SLC7A1: variants seen among roughly 807,000 people sequenced by gnomAD.
SLC7A1 encodes high affinity cationic amino acid transporter 1.
A neutral mutation model predicts 53.9 loss-of-function variants in SLC7A1; 10 were observed. The observed-to-expected ratio is 0.19, with a 90% CI of 0.11 to 0.31. The LOEUF (loss-of-function observed/expected upper bound fraction) is 0.31, where lower values mean the gene tolerates loss of function less well. Among genes scored for constraint, SLC7A1 ranks in the 10% least tolerant of loss-of-function variants. SLC7A1 has a pLI of 1.00. For missense variants in SLC7A1, 525 were observed against 827.2 expected (o/e 0.63, Z 4.48); for synonymous variants, 342 against 338.7 (o/e 1.01, Z -0.11).
Position 29,514,538 on chromosome 13 carries a change from G to A in SLC7A1, c.1832C>T (p.Ala611Val), listed in dbSNP as rs773951324. ...CCTTGCTTGGTCGGCATCCAGGGACGCCTCCTCGCTGTGCCACAGGCCATA... is the reference window on the plus strand; with the variant it reads ...CCTTGCTTGGTCGGCATCCAGGGACACCTCCTCGCTGTGCCACAGGCCATA... ...FGYGLWHSEE[A>V]SLDADQARTP... is the part of the protein sequence containing the mutation. The change falls in exon 13 of 13, where the codon GCG (alanine) becomes GTG (valine). Residue 611 changes from alanine (A) to valine (V), a missense_variant. Coordinates refer to ENST00000380752, the MANE Select transcript of SLC7A1 (RefSeq NM_003045.5). The A allele has an allele frequency of 5.0e-6, 8 of 1,611,184 alleles. No homozygotes were observed. Among genetic ancestry groups the A allele is most frequent in the Non-Finnish European group, 4.2e-6 (5 of 1,179,772 alleles).
chr13:29,514,458 C>T lies in SLC7A1; in HGVS notation c.*22G>A. 6.3e-7 allele frequency: 1 copy of T among 1,591,126 alleles called. No homozygotes were observed. The highest frequency in any genetic ancestry group is 8.6e-7 in the Non-Finnish European group (1 of 1,168,026). On this transcript the variant is annotated 3_prime_UTR_variant, in exon 13 of 13. Transcript: ENST00000380752. Reference sequence around the variant, plus strand: ...GGGCGTCCCTCGGGGCTGCTGCCACCTCCGGGGGGCGGGGCTGTGCGTCAC... The same window carrying T: ...GGGCGTCCCTCGGGGCTGCTGCCACTTCCGGGGGGCGGGGCTGTGCGTCAC...
chr13:29,536,319 A>G, intron 2 of SLC7A1, 117 bp from the exon 3 acceptor site: 1 of 1,068,314 alleles, frequency 9.4e-7, no homozygotes, highest in Non-Finnish European at 1.4e-6. Flanking sequence ...ATTTCCTGCT[A>G]AAACGCTTTA....
At chr13:29,578,932 C>A (rs1871526599) in intron 1 of SLC7A1, among the ~76,000 whole-genome samples, 1 of 152,252 alleles carries the variant, frequency 6.6e-6, no homozygotes, top group South Asian at 2.1e-4. Context: ...TCAATATTGC[C>A]TTTTTCTTCA....
chr13:29,514,816 T>C (rs1883508224), intron 12 of SLC7A1, among the ~76,000 whole-genome samples: 1 of 152,344 alleles, frequency 6.6e-6, no homozygotes, highest in East Asian at 1.9e-4. Context: ...TGGACGGCCT[T>C]ATGCTGCGGT....
intron 1 of SLC7A1, among the ~76,000 whole-genome samples, chr13:29,583,768 T>A (rs2139186961): frequency 6.6e-6 from 1 of 152,314 alleles, no homozygotes; most frequent in South Asian, 2.1e-4. Flanking sequence ...AAATTCTAAT[T>A]GTATCAAACT....
intron 1 of SLC7A1, among the ~76,000 whole-genome samples, chr13:29,570,627 G>C (rs1871152283): frequency 6.6e-6 from 1 of 152,164 alleles, no homozygotes; most frequent in Non-Finnish European, 1.5e-5. Flanking sequence ...TCAGGCGGAT[G>C]GATGGCTTGA....
chr13:29,552,146 A>C (rs1870219959), intron 2 of SLC7A1, among the ~76,000 whole-genome samples: 1 of 152,082 alleles, frequency 6.6e-6, no homozygotes, highest in Non-Finnish European at 1.5e-5. Flanking sequence ...CCATAGTCTC[A>C]GAATTAACGA....
At chr13:29,562,917 GA>G (rs1351278116) in intron 1 of SLC7A1, among the ~76,000 whole-genome samples, 3 of 152,178 alleles carry the variant, frequency 2.0e-5, no homozygotes, top group Admixed American at 1.3e-4. Flanking sequence ...TTGCACCCAG[GA>G]AAAGACCATT....
At chr13:29,533,793 C>G (rs1869281643) in intron 3 of SLC7A1, among the ~76,000 whole-genome samples, 1 of 152,226 alleles carries the variant, frequency 6.6e-6, no homozygotes, top group Non-Finnish European at 1.5e-5. Flanking sequence ...TAAAGGGTGT[C>G]AGAATGTGTT....
intron 4 of SLC7A1, among the ~76,000 whole-genome samples, chr13:29,531,560 T>C (rs1340594790): frequency 6.6e-6 from 1 of 152,194 alleles, no homozygotes; most frequent in Non-Finnish European, 1.5e-5. Context: ...AAAAATTGGC[T>C]AGGTGCGGTC....
At chr13:29,589,474 C>T (rs575301977) in intron 1 of SLC7A1, among the ~76,000 whole-genome samples, 176 of 152,378 alleles carry the variant, frequency 1.2e-3, no homozygotes, top group Non-Finnish European at 2.1e-3. Flanking sequence ...GCCTCCGTCA[C>T]ACACACCGGC....
chr13:29,510,553 C>T lies in SLC7A1; in HGVS notation c.*3927G>A, dbSNP rs1047510309. On this transcript the variant is annotated 3_prime_UTR_variant, in exon 13 of 13. Transcript: ENST00000380752. The stretch of plus-strand genomic sequence containing the variant: ...ATTATACATAGTGTATATCCAGATC[C>T]GTCTGCAGGCGAACTCTGCATCAGT... 2.0e-5 allele frequency: 3 copies of T among 152,248 alleles called. No homozygotes were observed. Among genetic ancestry groups the T allele is most frequent in the African/African-American group, 4.8e-5 (2 of 41,456 alleles). The allele number at this position is 152,248 out of a possible 1,614,324, so 9.4% of individuals were successfully genotyped here.
Position 29,556,255 on chromosome 13 carries a change from AT to A in SLC7A1, c.-114-2396del, listed in dbSNP as rs879930837. 4.5e-4 allele frequency among the ~76,000 whole-genome samples: 68 copies of A among 150,412 alleles called. 1 individual carries two copies. Among genetic ancestry groups the A allele is most frequent in the Middle Eastern group, 3.4e-3 (1 of 292 alleles). On this transcript the variant is annotated intron_variant, in intron 1 of 12. Coordinates refer to ENST00000380752, the MANE Select transcript of SLC7A1 (RefSeq NM_003045.5). Reference sequence around the variant, plus strand: ...TAAAACAATGCCACTCTTCTCACTGATTTTTTTTTTGTTCTGGAAAATAGCT... The same window carrying A: ...TAAAACAATGCCACTCTTCTCACTGATTTTTTTTTGTTCTGGAAAATAGCT...
rs1268989861 is a variant in SLC7A1 at position 29,509,643 on chromosome 13, T to G, written c.*4837A>C. ...AGACCCAGCAGAGACCAACCTGATT[T>G]GCAGTTAGCATCAGAATCTAAATCT... On this transcript the variant is annotated 3_prime_UTR_variant, in exon 13 of 13. Coordinates refer to ENST00000380752, the MANE Select transcript of SLC7A1 (RefSeq NM_003045.5). The G allele has an allele frequency of 6.6e-6, 1 of 152,474 alleles. No homozygotes were observed. The highest frequency in any genetic ancestry group is 1.9e-4 in the East Asian group (1 of 5,188). The allele number at this position is 152,474 out of a possible 1,614,324, so 9.4% of individuals were successfully genotyped here. A position where few individuals can be genotyped will look rare whatever the true frequency, so the allele number is the denominator to read the frequency against.
At chr13:29,517,373 C>A in intron 10 of SLC7A1, 63 bp from the exon 11 acceptor site, 1 of 1,507,640 alleles carries the variant, frequency 6.6e-7, no homozygotes. Context: ...CCACAGGCAT[C>A]CACTGTTCTC....
intron 2 of SLC7A1, among the ~76,000 whole-genome samples, chr13:29,546,522 G>A (rs1359575606): frequency 1.3e-5 from 2 of 152,120 alleles, no homozygotes; most frequent in Non-Finnish European, 2.9e-5. Context: ...AGGGTTCCAT[G>A]CCAACCTAAC....
intron 7 of SLC7A1, 21 bp from the exon 8 acceptor site, chr13:29,522,477 C>CTT: frequency 1.2e-6 from 2 of 1,613,912 alleles, no homozygotes; most frequent in South Asian, 1.1e-5. Context: ...AGAGGCAAAC[C>CTT]GCGTGAGTGA....
chr13:29,531,757 C>T (rs1869173860), intron 4 of SLC7A1, among the ~76,000 whole-genome samples: 1 of 152,038 alleles, frequency 6.6e-6, no homozygotes, highest in South Asian at 2.1e-4. Flanking sequence ...TCGCTTGAAC[C>T]CAGGAGGCAG....
At chr13:29,580,185 T>C (rs1421607659) in intron 1 of SLC7A1, among the ~76,000 whole-genome samples, 1 of 152,106 alleles carries the variant, frequency 6.6e-6, no homozygotes, top group Non-Finnish European at 1.5e-5. Context: ...TGGCTGAGCC[T>C]GTGGGGTGAA....
Sources: allele counts gnomAD v4.1 joint callset (sites outside exome capture counted in the v4.1 genomes callset), GRCh38; gene constraint gnomAD v4.1.1; transcripts MANE v1.5; gene names NCBI Gene and HGNC (gene_info 2026-07-23, HGNC 2026-07-21).